GRIA2: variants seen among roughly 807,000 people sequenced by gnomAD.
GRIA2 encodes the protein glutamate receptor 2.
Under a neutral mutation model 97.3 loss-of-function variants are expected in GRIA2, and 14 were observed. The observed-to-expected ratio is 0.14, with a 90% CI of 0.10 to 0.23. The LOEUF is 0.23. Ranked by LOEUF, GRIA2 falls within the 10% of genes least tolerant of loss-of-function variation. GRIA2 has a pLI of 1.00. For synonymous variants in GRIA2, 412 were observed against 387.8 expected, an observed-to-expected ratio of 1.06 and a Z score of -0.73; for missense variants, 558 against 1,069.8, an observed-to-expected ratio of 0.52 and a Z score of 6.67.
At chr4:157,317,782 C>T in intron 5 of GRIA2, 71 bp downstream of exon 5, 1 of 679,958 alleles carries the variant, frequency 1.5e-6, no homozygotes, top group South Asian at 1.7e-5. Context: ...TTTTGAATGG[C>T]CAGCATTTAT....
chr4:157,236,111 A>G (rs974013195), intron 2 of GRIA2, among the ~76,000 whole-genome samples: 1 of 152,036 alleles, frequency 6.6e-6, no homozygotes, highest in Non-Finnish European at 1.5e-5. Flanking sequence ...AAAATTATCT[A>G]ATAGAATTAA....
At chr4:157,322,639 C>T (rs567653420) in intron 6 of GRIA2, among the ~76,000 whole-genome samples, 1 of 152,188 alleles carries the variant, frequency 6.6e-6, no homozygotes, top group South Asian at 2.1e-4. Flanking sequence ...GAAAAACTGG[C>T]TAAGGGTAGT....
At chr4:157,316,853 C>T (rs1734344909) in intron 4 of GRIA2, among the ~76,000 whole-genome samples, 1 of 152,096 alleles carries the variant, frequency 6.6e-6, no homozygotes. Flanking sequence ...TTTGAATGTC[C>T]CTGTACCAGG....
rs1736835528 is a variant in GRIA2, at chr4:157,365,280, G to A, written c.*1849G>A. The stretch of plus-strand genomic sequence containing the variant: ...CCTAAGGTAATATAATATAATTTTA[G>A]TGCATTTCTCCTCATCAGGAATGCT... On this transcript the variant is annotated 3_prime_UTR_variant, in exon 16 of 16. Coordinates refer to ENST00000264426, the MANE Select transcript of GRIA2 (RefSeq NM_001083619.3). 1 of 151,850 alleles carries A rather than the reference G, an allele frequency of 6.6e-6. No individual in the cohort carries two copies. Among genetic ancestry groups the A allele is most frequent in the African/African-American group, 2.4e-5 (1 of 41,362 alleles). The allele number at this position is 151,850 out of a possible 1,614,324, so 9.4% of individuals were successfully genotyped here. A position where few individuals can be genotyped will look rare whatever the true frequency, so the allele number is the denominator to read the frequency against.
At chr4:157,228,632 A>G (rs977318276) in intron 2 of GRIA2, among the ~76,000 whole-genome samples, 2 of 151,932 alleles carry the variant, frequency 1.3e-5, no homozygotes, top group African/African-American at 4.8e-5. Context: ...GTCTCTACTA[A>G]AAGTACAAGA....
chr4:157,314,807 G>A (rs1342363321), intron 4 of GRIA2, among the ~76,000 whole-genome samples: 1 of 152,116 alleles, frequency 6.6e-6, no homozygotes. Flanking sequence ...TCCCTTGAAT[G>A]TATTAAATGA....
At chr4:157,269,236 A>G (rs916024112) in intron 2 of GRIA2, among the ~76,000 whole-genome samples, 1 of 152,154 alleles carries the variant, frequency 6.6e-6, no homozygotes, top group South Asian at 2.1e-4. Flanking sequence ...AGAACCAAGA[A>G]AGGTCAAAAT....
Position 157,333,296 on chromosome 4 carries a change from A to G in GRIA2, c.1098A>G (p.Gly366=). 3 of 1,602,988 alleles carry G rather than the reference A, an allele frequency of 1.9e-6. No homozygotes were observed. Among genetic ancestry groups the G allele is most frequent in the Non-Finnish European group, 1.7e-6 (2 of 1,172,532 alleles). ...GAAATATAAAGTTTGACCAGAATGG[A>G]AAAAGAATAAACTATACAATTAACA... ...LSGNIKFDQN[G]KRINYTINIM... The change falls in exon 8 of 16, where the codon GGA becomes GGG. Residue 366 remains glycine, a synonymous_variant. Transcript: ENST00000264426.
At chr4:157,249,172 G>C (rs531163670) in intron 2 of GRIA2, among the ~76,000 whole-genome samples, 1 of 152,174 alleles carries the variant, frequency 6.6e-6, no homozygotes, top group Admixed American at 6.6e-5. Context: ...GCTAGACGCA[G>C]TGCTGAGGGA....
chr4:157,228,444 G>A (rs1312790876), intron 2 of GRIA2, among the ~76,000 whole-genome samples: 1 of 152,098 alleles, frequency 6.6e-6, no homozygotes, highest in Non-Finnish European at 1.5e-5. Context: ...CTGAATATAT[G>A]TACAATATAC....
At chr4:157,355,972 T>TATATTA (rs1292412624) in intron 12 of GRIA2, among the ~76,000 whole-genome samples, 4 of 15,706 alleles carry the variant, frequency 2.5e-4, no homozygotes, top group South Asian at 0.011. Context: ...TGTATATTAA[T>TATATTA]ATATATATTT....
At chr4:157,277,809 G>A (rs1732393998) in intron 2 of GRIA2, among the ~76,000 whole-genome samples, 1 of 98,264 alleles carries the variant, frequency 1.0e-5, no homozygotes, top group Non-Finnish European at 2.1e-5. Flanking sequence ...AATAAAATAT[G>A]TATGCTATAT....
intron 2 of GRIA2, among the ~76,000 whole-genome samples, chr4:157,253,078 A>AT (rs1340067315): frequency 6.6e-6 from 1 of 151,328 alleles, no homozygotes; most frequent in African/African-American, 2.4e-5. Flanking sequence ...TACTATTATT[A>AT]TTTTTTAAAT....
At chr4:157,250,546 C>A (rs1201701562) in intron 2 of GRIA2, among the ~76,000 whole-genome samples, 1 of 151,986 alleles carries the variant, frequency 6.6e-6, no homozygotes, top group African/African-American at 2.4e-5. Flanking sequence ...TAAATGGAGT[C>A]AAATGCAGAT....
Position 157,324,705 on chromosome 4 carries a change from A to T in GRIA2, c.882+3106A>T, listed in dbSNP as rs537647861. ...AGTGAGGAGGGAGGTCATGTTATGG[A>T]AGTTGCAAGAGGTAAGGTCCTTAAA... On this transcript the variant is annotated intron_variant, in intron 6 of 15. Transcript: ENST00000264426. Among the ~76,000 whole-genome samples the T allele has an allele frequency of 3.3e-5, 5 of 152,278 alleles. No individual in the cohort carries two copies. The East Asian group carries it at 9.7e-4, about 29-fold the overall frequency.
At chr4:157,257,734 T>C (rs1731342611) in intron 2 of GRIA2, among the ~76,000 whole-genome samples, 1 of 152,098 alleles carries the variant, frequency 6.6e-6, no homozygotes, top group African/African-American at 2.4e-5. Context: ...AATTGAAGAC[T>C]ATGAAAACCC....
At chr4:157,242,442 T>A (rs1210119814) in intron 2 of GRIA2, among the ~76,000 whole-genome samples, 1 of 152,078 alleles carries the variant, frequency 6.6e-6, no homozygotes, top group African/African-American at 2.4e-5. Context: ...ATGTGAATAA[T>A]ATGTTTATGG....
intron 11 of GRIA2, among the ~76,000 whole-genome samples, chr4:157,338,588 G>T (rs1035104597): frequency 1.3e-5 from 2 of 151,916 alleles, no homozygotes; most frequent in African/African-American, 4.8e-5. Flanking sequence ...TGTTTTTTCT[G>T]TGCTTTTGAT....
At chr4:157,321,193 G>T (rs1241527302) in intron 5 of GRIA2, among the ~76,000 whole-genome samples, 1 of 152,128 alleles carries the variant, frequency 6.6e-6, no homozygotes, top group Non-Finnish European at 1.5e-5. Flanking sequence ...ACAACCATGA[G>T]TGTTTCATGA....
Sources: allele counts gnomAD v4.1 joint callset (sites outside exome capture counted in the v4.1 genomes callset), GRCh38; gene constraint gnomAD v4.1.1; transcripts MANE v1.5; gene names NCBI Gene and HGNC (gene_info 2026-07-23, HGNC 2026-07-21).